LIN54: variants seen among roughly 807,000 people sequenced by gnomAD.
LIN54 encodes lin-54 DREAM MuvB core complex component, also known as protein lin-54 homolog.
A neutral mutation model predicts 78.7 loss-of-function variants in LIN54; 9 were observed. That is an observed-to-expected ratio of 0.11 (90% CI 0.07 to 0.20). LIN54 has a LOEUF of 0.20. LIN54 is among the 10% of genes least tolerant of loss of function. LIN54 has a pLI of 1.00. For synonymous variants in LIN54, 269 were observed against 318.4 expected, an observed-to-expected ratio of 0.84 and a Z score of 1.65; for missense variants, 573 against 889.9, an observed-to-expected ratio of 0.64 and a Z score of 4.53.
chr4:82,947,235 A>ATATATATATATATTTTTT, intron 4 of LIN54, among the ~76,000 whole-genome samples: 10 of 44,286 alleles, frequency 2.3e-4, no homozygotes, highest in Non-Finnish European at 3.3e-4. Context: ...ATATATATAT[A>ATATATATATATATTTTTT]TTTTTTTTTT....
intron 1 of LIN54, among the ~76,000 whole-genome samples, chr4:82,989,251 G>T (rs144068099): frequency 6.6e-6 from 1 of 151,936 alleles, no homozygotes; most frequent in Non-Finnish European, 1.5e-5. Flanking sequence ...TATGTATACT[G>T]TGAAGTTATC....
chr4:83,010,975 C>T, upstream of LIN54: 1 of 607,380 alleles, frequency 1.6e-6, no homozygotes, highest in Non-Finnish European at 2.3e-6. Context: ...CTTTCACCCC[C>T]GGGCGGAGCA....
At chr4:82,990,373 T>A (rs6847544) in intron 1 of LIN54, among the ~76,000 whole-genome samples, 2 of 151,908 alleles carry the variant, frequency 1.3e-5, no homozygotes, top group Non-Finnish European at 2.9e-5. Context: ...GTGTATCAGT[T>A]CCCCCATATC....
At chr4:82,937,994 T>C (rs1191437857) in intron 8 of LIN54, among the ~76,000 whole-genome samples, 1 of 152,006 alleles carries the variant, frequency 6.6e-6, no homozygotes, top group East Asian at 1.9e-4. Flanking sequence ...TAGGAGAGCA[T>C]GGTGGCATGT....
At chr4:82,959,455 A>G (rs1233272101) in intron 4 of LIN54, among the ~76,000 whole-genome samples, 2 of 152,170 alleles carry the variant, frequency 1.3e-5, no homozygotes, top group Non-Finnish European at 2.9e-5. Flanking sequence ...TGATCACACC[A>G]CTGCACTCCA....
chr4:82,969,876 T>A (rs1454703976), intron 4 of LIN54, among the ~76,000 whole-genome samples: 1 of 152,326 alleles, frequency 6.6e-6, no homozygotes, highest in Non-Finnish European at 1.5e-5. Flanking sequence ...ACAACACTGA[T>A]AATATGGCTA....
chr4:82,985,512 C>T (rs1159473953), intron 1 of LIN54, among the ~76,000 whole-genome samples: 1 of 152,178 alleles, frequency 6.6e-6, no homozygotes, highest in Admixed American at 6.5e-5. Context: ...AGAAGATTCT[C>T]AAACCCTCCT....
At chr4:83,011,707 G>C (rs908048443), upstream of LIN54, among the ~76,000 whole-genome samples, 3 of 151,452 alleles carry the variant, frequency 2.0e-5, no homozygotes, top group African/African-American at 7.3e-5. Context: ...ACCAGCTCTT[G>C]TCATCAGTCA....
At chr4:82,961,443 C>T (rs1451892294) in intron 4 of LIN54, among the ~76,000 whole-genome samples, 1 of 152,108 alleles carries the variant, frequency 6.6e-6, no homozygotes, top group Non-Finnish European at 1.5e-5. Flanking sequence ...CAAGTACATT[C>T]TTCATTCAAA....
intron 1 of LIN54, among the ~76,000 whole-genome samples, chr4:82,999,315 C>A (rs944862967): frequency 2.6e-5 from 4 of 152,146 alleles, no homozygotes; most frequent in Non-Finnish European, 5.9e-5. Flanking sequence ...ACATTGAGGT[C>A]TACAGCTGCA....
intron 1 of LIN54, among the ~76,000 whole-genome samples, chr4:82,987,045 C>T (rs1727210709): frequency 6.6e-6 from 1 of 152,212 alleles, no homozygotes; most frequent in Non-Finnish European, 1.5e-5. Flanking sequence ...AATCCCAGCA[C>T]TTTGGGAGGC....
chr4:82,970,207 T>G, intron 4 of LIN54, 120 bp downstream of exon 4: 1 of 868,332 alleles, frequency 1.2e-6, no homozygotes, highest in Non-Finnish European at 1.8e-6. Context: ...AATCCAGTAT[T>G]CATTGAATGT....
chr4:82,932,951 A>G (rs1354282390), intron 11 of LIN54, among the ~76,000 whole-genome samples: 2 of 152,102 alleles, frequency 1.3e-5, no homozygotes, highest in Middle Eastern at 3.2e-3. Context: ...GTTTTCTTCA[A>G]TGAACCCATG....
chr4:82,969,732 A>G (rs756360372), intron 4 of LIN54, among the ~76,000 whole-genome samples: 4 of 152,370 alleles, frequency 2.6e-5, no homozygotes, highest in African/African-American at 4.8e-5. Flanking sequence ...CCTTTAAAAC[A>G]TATCTTTTTC....
At chr4:82,994,176 T>A (rs1430199461) in intron 1 of LIN54, among the ~76,000 whole-genome samples, 1 of 152,130 alleles carries the variant, frequency 6.6e-6, no homozygotes, top group Non-Finnish European at 1.5e-5. Flanking sequence ...TTTCTAATAT[T>A]GCTTGTGATT....
At chr4:82,959,769 T>C (rs1043040657) in intron 4 of LIN54, among the ~76,000 whole-genome samples, 2 of 152,196 alleles carry the variant, frequency 1.3e-5, no homozygotes, top group African/African-American at 4.8e-5. Flanking sequence ...ATTCCTATTT[T>C]TCACAATTAT....
At position 82,939,952 on chromosome 4, in the gene LIN54, C is replaced by T. The variant is rs760395233; in HGVS notation, c.1179G>A (p.Val393=). The T allele has an allele frequency of 6.3e-7, 1 of 1,598,618 alleles. No homozygotes were observed. Among genetic ancestry groups the T allele is most frequent in the East Asian group, 2.2e-5 (1 of 44,776 alleles). ...NTQPLQQAKP[V]VVNTTPVRMS... is the part of the protein sequence containing the mutation. ...TCCGCACTGGGGTTGTATTAACAAC[C>T]ACTGGCTTTGCTTTTTAAAAAACAA... The change falls in exon 6 of 13, where the codon GTG becomes GTA. Residue 393 remains valine (V), a synonymous_variant. Transcript: ENST00000340417.
chr4:82,990,518 C>A (rs894726072), intron 1 of LIN54, among the ~76,000 whole-genome samples: 2 of 151,938 alleles, frequency 1.3e-5, no homozygotes, highest in African/African-American at 4.8e-5. Flanking sequence ...GAGTCTCACT[C>A]GGTCGCCCAG....
At position 82,928,177 on chromosome 4, in the gene LIN54, T is replaced by C. The variant is rs1182975437; in HGVS notation, c.2175A>G (p.Glu725=). The change falls in exon 13 of 13, where the codon GAA becomes GAG. Residue 725 remains glutamate (E), a synonymous_variant. Coordinates refer to ENST00000340417, the MANE Select transcript of LIN54 (RefSeq NM_194282.4). ...TGACACTCATCAAACATCGTCCGAATTCCTCAAGTATCATCCGTTCCGCTG... is the reference window on the plus strand; with the variant it reads ...TGACACTCATCAAACATCGTCCGAACTCCTCAAGTATCATCCGTTCCGCTG... The part of the protein sequence containing the change: ...KAAAERMILE[E]FGRCLMSVIN... 1 of 1,614,272 alleles carries C rather than the reference T, an allele frequency of 6.2e-7. No individual in the cohort carries two copies. The highest frequency in any genetic ancestry group is 1.7e-5 in the Admixed American group (1 of 60,036).
Sources: allele counts gnomAD v4.1 joint callset (sites outside exome capture counted in the v4.1 genomes callset), GRCh38; gene constraint gnomAD v4.1.1; transcripts MANE v1.5; gene names NCBI Gene and HGNC (gene_info 2026-07-23, HGNC 2026-07-21).